Variants in CCDC167 observed in about 807,000 individuals in gnomAD.
The protein encoded by CCDC167 is coiled-coil domain containing 167.
Under a neutral mutation model 12.7 loss-of-function variants are expected in CCDC167, and 15 were observed. That is an observed-to-expected ratio of 1.18 (90% CI 0.79 to 1.81). CCDC167 has a LOEUF of 1.81. CCDC167 is among the 40% of genes most tolerant of loss of function. The probability of loss-of-function intolerance (pLI) is 0.00; values close to 1 mark genes in which losing one functional copy is unlikely to be tolerated. For missense variants in CCDC167, 121 were observed against 120.1 expected (o/e 1.01, Z -0.03); for synonymous variants, 52 against 49.0 (o/e 1.06, Z -0.26).
At chr6:37,488,349 G>A (rs962397880) in intron 1 of CCDC167, among the ~76,000 whole-genome samples, 2 of 152,326 alleles carry the variant, frequency 1.3e-5, no homozygotes, top group African/African-American at 4.8e-5. Flanking sequence ...CTTAAAGGAA[G>A]TCCCGACTTG....
chr6:37,488,733 C>T (rs925573068), intron 1 of CCDC167, among the ~76,000 whole-genome samples: 2 of 152,160 alleles, frequency 1.3e-5, no homozygotes, highest in African/African-American at 2.4e-5. Context: ...AGTTGACTCA[C>T]GTGTAAAACA....
At chr6:37,491,991 G>C (rs749458134) in intron 1 of CCDC167, among the ~76,000 whole-genome samples, 8 of 152,056 alleles carry the variant, frequency 5.3e-5, no homozygotes, top group Non-Finnish European at 1.2e-4. Context: ...CCTAGCTCCT[G>C]GGCACAACCT....
chr6:37,483,404 C>T, intron 3 of CCDC167, 115 bp from the exon 4 acceptor site: 2 of 687,736 alleles, frequency 2.9e-6, no homozygotes, highest in South Asian at 1.6e-5. Context: ...CCCTTCCAGC[C>T]ACCTCCTTAC....
intron 1 of CCDC167, among the ~76,000 whole-genome samples, chr6:37,493,575 G>A (rs1042194109): frequency 1.1e-4 from 16 of 152,336 alleles, no homozygotes; most frequent in African/African-American, 3.6e-4. Context: ...GCGACCTGTC[G>A]CTCTCGCCTG....
At chr6:37,487,904 T>C (rs1761968456) in intron 1 of CCDC167, among the ~76,000 whole-genome samples, 1 of 152,262 alleles carries the variant, frequency 6.6e-6, no homozygotes, top group Admixed American at 6.5e-5. Context: ...ATCAAGGTTT[T>C]AGGGACTCAA....
rs775083695 is a variant in CCDC167, at chr6:37,483,268, C to T, written c.212G>A (p.Arg71Gln). 7 of 1,613,898 alleles carry T rather than the reference C, an allele frequency of 4.3e-6. No homozygotes were observed. The highest frequency in any genetic ancestry group is 2.2e-5 in the East Asian group (1 of 44,870). Residue 71 changes from arginine (R) to glutamine (Q), a missense_variant, in exon 4 of 4, where the codon CGG becomes CAG. Coordinates refer to ENST00000373408, the MANE Select transcript of CCDC167 (RefSeq NM_138493.3). ...SNYEKELKFL[R>Q]QENRKNMLLS... Reference sequence around the variant, plus strand: ...CAGCATGTTCTTCCGGTTCTCTTGCCGAAGAAACTTCAGTTCCTTCTCTGG... The same window carrying T: ...CAGCATGTTCTTCCGGTTCTCTTGCTGAAGAAACTTCAGTTCCTTCTCTGG...
intron 1 of CCDC167, among the ~76,000 whole-genome samples, chr6:37,494,565 C>T (rs745926215): frequency 4.7e-4 from 71 of 152,280 alleles, no homozygotes; most frequent in Non-Finnish European, 7.5e-4. Context: ...TGCTCATGAC[C>T]CAGTTCTGGC....
chr6:37,483,579 A>C (rs377248541), intron 3 of CCDC167, among the ~76,000 whole-genome samples: 5 of 152,268 alleles, frequency 3.3e-5, no homozygotes, highest in African/African-American at 1.2e-4. Context: ...AAAATGCCAC[A>C]CCTGAAAGCC....
intron 1 of CCDC167, among the ~76,000 whole-genome samples, chr6:37,487,464 T>C (rs1245942016): frequency 1.3e-5 from 2 of 152,176 alleles, no homozygotes; most frequent in East Asian, 3.8e-4. Flanking sequence ...TAGAAAAAGC[T>C]AGGAGGAGGA....
intron 1 of CCDC167, among the ~76,000 whole-genome samples, chr6:37,494,603 G>C (rs1219426983): frequency 6.6e-6 from 1 of 152,170 alleles, no homozygotes; most frequent in Admixed American, 6.5e-5. Context: ...AGTCAGCTAG[G>C]AGACTCCTGG....
At chr6:37,498,514 G>C (rs907092943) in intron 1 of CCDC167, among the ~76,000 whole-genome samples, 2 of 113,104 alleles carry the variant, frequency 1.8e-5, no homozygotes, top group Admixed American at 1.0e-4. Flanking sequence ...TGTGTGGCTT[G>C]TAAAAAAAAA....
At chr6:37,491,238 C>T (rs368128282) in intron 1 of CCDC167, among the ~76,000 whole-genome samples, 1 of 152,200 alleles carries the variant, frequency 6.6e-6, no homozygotes, top group Non-Finnish European at 1.5e-5. Flanking sequence ...TGCCAACAAG[C>T]ACGAGACAGT....
intron 1 of CCDC167, among the ~76,000 whole-genome samples, chr6:37,490,292 G>A (rs1762001501): frequency 1.3e-5 from 2 of 152,310 alleles, no homozygotes; most frequent in South Asian, 4.1e-4. Flanking sequence ...TTTACCCAGA[G>A]ACCAGCAGTG....
Position 37,484,973 on chromosome 6 carries a change from T to C in CCDC167, c.138-111A>G, listed in dbSNP as rs1581762466. The C allele has an allele frequency of 1.6e-5, 24 of 1,459,310 alleles. No individual in the cohort carries two copies. In the East Asian group the frequency reaches 4.1e-4, roughly 25 times the overall value. The allele number at this position is 1,459,310 out of a possible 1,614,324, so 90.4% of individuals were successfully genotyped here. A position where few individuals can be genotyped will look rare whatever the true frequency, so the allele number is the denominator to read the frequency against. On this transcript the variant is annotated intron_variant, in intron 2 of 3. Coordinates refer to ENST00000373408, the MANE Select transcript of CCDC167 (RefSeq NM_138493.3). ...GGGTCTTGTTCGGCGGCAGGGGGGG[T>C]GTGCACTGAAGCTAAGATGTCAGGG...
At chr6:37,492,483 G>C (rs901005776) in intron 1 of CCDC167, among the ~76,000 whole-genome samples, 2 of 152,218 alleles carry the variant, frequency 1.3e-5, no homozygotes, top group African/African-American at 4.8e-5. Context: ...AACTCAATGA[G>C]CTTCACAAAC....
At chr6:37,494,338 C>T (rs1033826892) in intron 1 of CCDC167, among the ~76,000 whole-genome samples, 1 of 152,230 alleles carries the variant, frequency 6.6e-6, no homozygotes, top group East Asian at 1.9e-4. Context: ...GTTGGGATTA[C>T]AGGCGTGAGC....
chr6:37,485,055 G>A, intron 2 of CCDC167, 45 bp downstream of exon 2: 3 of 1,542,464 alleles, frequency 1.9e-6, no homozygotes, highest in African/African-American at 2.7e-5. Flanking sequence ...TACAGGGGGT[G>A]GGGGCCTGAT....
intron 1 of CCDC167, among the ~76,000 whole-genome samples, chr6:37,493,322 C>T (rs895676245): frequency 6.6e-6 from 1 of 152,202 alleles, no homozygotes; most frequent in Non-Finnish European, 1.5e-5. Flanking sequence ...GTCTTCTTTC[C>T]CCCCGATATC....
intron 3 of CCDC167, among the ~76,000 whole-genome samples, chr6:37,484,078 G>T (rs1317563): frequency 0.5 from 76,058 of 152,120 alleles, 21,505 homozygotes; most frequent in Middle Eastern, 0.66. Context: ...CCAGGGCCCA[G>T]GGTGCACCGG....
Sources: gnomAD v4.1 joint callset for allele counts (sites outside exome capture counted in the v4.1 genomes callset) on GRCh38, gnomAD v4.1.1 for gene constraint, MANE v1.5 for transcripts, NCBI Gene and HGNC (gene_info 2026-07-23, HGNC 2026-07-21) for gene names.